The following SEL1L3 variants were observed in gnomAD, a reference collection of about 807,000 sequenced individuals.
SEL1L3 encodes the protein protein sel-1 homolog 3.
A neutral mutation model predicts 142.8 loss-of-function variants in SEL1L3; 76 were observed. The ratio of observed to expected loss-of-function variants is 0.53; its 90% CI spans 0.44 to 0.64. SEL1L3 has a LOEUF of 0.64. Ranked by LOEUF, SEL1L3 falls within the 30% of genes least tolerant of loss-of-function variation. The pLI, the probability that SEL1L3 is intolerant of heterozygous loss-of-function variation, is 0.00. For missense variants in SEL1L3, 1,262 were observed against 1,381.7 expected (o/e 0.91, Z 1.37); for synonymous variants, 504 against 519.6 (o/e 0.97, Z 0.41).
At position 25,843,026 on chromosome 4, in the gene SEL1L3, G is replaced by T. The variant is rs1716269056; in HGVS notation, c.733+4268C>A. On this transcript the variant is annotated intron_variant, in intron 2 of 23. Coordinates refer to ENST00000399878, the MANE Select transcript of SEL1L3 (RefSeq NM_015187.5). Reference sequence around the variant, plus strand: ...GATCTGGGAGAAGAGCATCTTAGGTGGAGGGAGCAGTCACACAGATGTCCC... The same window carrying T: ...GATCTGGGAGAAGAGCATCTTAGGTTGAGGGAGCAGTCACACAGATGTCCC... Among the ~76,000 whole-genome samples the T allele has an allele frequency of 2.0e-5, 3 of 152,176 alleles. No homozygotes were observed. In the South Asian group the frequency reaches 6.2e-4, roughly 31 times the overall value.
intron 6 of SEL1L3, among the ~76,000 whole-genome samples, chr4:25,824,992 A>G (rs1409631986): frequency 6.6e-6 from 1 of 152,188 alleles, no homozygotes; most frequent in Non-Finnish European, 1.5e-5. Flanking sequence ...TACAAGTGTG[A>G]AAAAAGCCCA....
chr4:25,785,314 G>A (rs1420030834), intron 13 of SEL1L3, among the ~76,000 whole-genome samples: 1 of 152,210 alleles, frequency 6.6e-6, no homozygotes, highest in East Asian at 1.9e-4. Flanking sequence ...AACTCTACCT[G>A]AGGTGCTGCT....
intron 23 of SEL1L3, among the ~76,000 whole-genome samples, chr4:25,757,242 T>C (rs767107248): frequency 3.9e-5 from 6 of 151,984 alleles, no homozygotes; most frequent in African/African-American, 1.5e-4. Context: ...CACTCCAGCC[T>C]GGGCGACAGA....
rs1711977588 is a variant in SEL1L3 at position 25,788,117 on chromosome 4, T to G, written c.2217+107A>C. 1 of 1,074,290 alleles carries G rather than the reference T, an allele frequency of 9.3e-7. No homozygotes were observed. Among genetic ancestry groups the G allele is most frequent in the African/African-American group, 1.6e-5 (1 of 63,706 alleles). 66.5% of individuals were successfully genotyped at this position (1,074,290 alleles called of 1,614,324 possible). A position where few individuals can be genotyped will look rare whatever the true frequency, so the allele number is the denominator to read the frequency against. ...CATCAAGAGTGACAGAAGCATATAC[T>G]AAATTTCTTCAGTTATCGACTCCCT... is the stretch of plus-strand genomic sequence containing the variant. On this transcript the variant is annotated intron_variant, in intron 13 of 23. Transcript: ENST00000399878. This position sits in a 1 kb window ranked among gnomAD's most constrained non-coding sequence, Gnocchi z 5.3.
At chr4:25,858,938 G>T (rs1717476578) in intron 1 of SEL1L3, among the ~76,000 whole-genome samples, 1 of 152,188 alleles carries the variant, frequency 6.6e-6, no homozygotes, top group South Asian at 2.1e-4. Context: ...TGTCTAACAA[G>T]TGCAGCTATC....
chr4:25,742,938 C>A (rs549238422), downstream of SEL1L3, among the ~76,000 whole-genome samples: 47 of 152,288 alleles, frequency 3.1e-4, no homozygotes, highest in African/African-American at 1.1e-3. Context: ...ATTTGGAGAT[C>A]TCTCTCAGAC....
chr4:25,714,500 TTTTCTTTC>T, the SEL1L3 span, among the ~76,000 whole-genome samples: 2,500 of 108,950 alleles, frequency 0.023, 35 homozygotes, highest in Admixed American at 0.053. Flanking sequence ...CTTTCTTTCT[TTTTCTTTC>T]TTTCTTTCTT....
chr4:25,845,249 C>A (rs1014644920), intron 2 of SEL1L3, among the ~76,000 whole-genome samples: 10 of 152,196 alleles, frequency 6.6e-5, no homozygotes, highest in African/African-American at 2.4e-4. Context: ...TAATTCAGCA[C>A]TTTGGAAGGC....
At chr4:25,862,643 AG>A in intron 1 of SEL1L3, 31 bp downstream of exon 1, 2 of 1,185,128 alleles carry the variant, frequency 1.7e-6, no homozygotes, top group Non-Finnish European at 2.1e-6. Context: ...CCCCGCGCGG[AG>A]GGGAAGACCC....
intron 7 of SEL1L3, 148 bp downstream of exon 7, chr4:25,821,848 G>T: frequency 1.2e-6 from 1 of 803,624 alleles, no homozygotes; most frequent in South Asian, 2.4e-5. Flanking sequence ...ATTTGCTGGG[G>T]GAAAAGCCTC....
At chr4:25,815,869 G>A (rs1034726110) in intron 9 of SEL1L3, among the ~76,000 whole-genome samples, 1 of 150,436 alleles carries the variant, frequency 6.6e-6, no homozygotes, top group African/African-American at 2.4e-5. Context: ...AGGGATATTG[G>A]GGGGGGTGCT....
At chr4:25,821,895 G>T in intron 7 of SEL1L3, 101 bp downstream of exon 7, 2 of 1,228,372 alleles carry the variant, frequency 1.6e-6, no homozygotes, top group Non-Finnish European at 2.2e-6. Flanking sequence ...GCGATGCATG[G>T]TCTGGCTTGG....
intron 2 of SEL1L3, among the ~76,000 whole-genome samples, chr4:25,845,296 A>G (rs1217226758): frequency 6.6e-6 from 1 of 152,192 alleles, no homozygotes; most frequent in Non-Finnish European, 1.5e-5. Context: ...GGAGTTCAAG[A>G]CCAGCCTGGG....
chr4:25,843,589 G>A (rs747914353), intron 2 of SEL1L3, among the ~76,000 whole-genome samples: 14 of 152,164 alleles, frequency 9.2e-5, no homozygotes, highest in Non-Finnish European at 1.9e-4. Context: ...CAACAGAAAC[G>A]CCCAGTCCCC....
intron 17 of SEL1L3, among the ~76,000 whole-genome samples, chr4:25,772,121 T>C (rs1372838195): frequency 1.3e-5 from 2 of 152,240 alleles, no homozygotes; most frequent in Admixed American, 1.3e-4. Flanking sequence ...AATGTCACGT[T>C]GGACGGTGAG....
the SEL1L3 span, among the ~76,000 whole-genome samples, chr4:25,716,294 A>G: frequency 6.6e-6 from 1 of 152,202 alleles, no homozygotes; most frequent in South Asian, 2.1e-4. Flanking sequence ...AGGAAACTAT[A>G]TATTAAAATG....
intron 9 of SEL1L3, among the ~76,000 whole-genome samples, chr4:25,805,612 A>G (rs1713505381): frequency 6.6e-6 from 1 of 152,230 alleles, no homozygotes; most frequent in South Asian, 2.1e-4. Flanking sequence ...TAATTCTCCC[A>G]TGAATCTATA....
At chr4:25,725,816 T>G in the SEL1L3 span, among the ~76,000 whole-genome samples, 4 of 152,142 alleles carry the variant, frequency 2.6e-5, no homozygotes, top group Non-Finnish European at 5.9e-5. Context: ...GTCACAGCAC[T>G]GGTGGGAGTG....
intron 17 of SEL1L3, among the ~76,000 whole-genome samples, chr4:25,774,667 C>A (rs1216936245): frequency 6.6e-6 from 1 of 152,170 alleles, no homozygotes. Flanking sequence ...CAAGACCAGC[C>A]TGGCCAACAT....
Sources: allele counts gnomAD v4.1 joint callset (sites outside exome capture counted in the v4.1 genomes callset), GRCh38; gene constraint gnomAD v4.1.1; non-coding constraint Gnocchi (gnomAD v3.1); transcripts MANE v1.5; gene names NCBI Gene and HGNC (gene_info 2026-07-23, HGNC 2026-07-21).